Variants in AMOTL1 observed in about 807,000 individuals in gnomAD.
The protein encoded by AMOTL1 is angiomotin-like protein 1.
In AMOTL1, 45 loss-of-function variants were observed where a neutral mutation model predicts 102.9. That is an observed-to-expected ratio of 0.44 (90% CI 0.34 to 0.56). AMOTL1 has a LOEUF of 0.56. Ranked by LOEUF, AMOTL1 falls within the 20% of genes least tolerant of loss-of-function variation. The probability of loss-of-function intolerance (pLI) is 0.01; values close to 1 mark genes in which losing one functional copy is unlikely to be tolerated. For synonymous variants in AMOTL1, 481 were observed against 484.7 expected, an observed-to-expected ratio of 0.99 and a Z score of 0.10; for missense variants, 1,114 against 1,225.6, an observed-to-expected ratio of 0.91 and a Z score of 1.36.
chr11:94,855,905 C>G (rs1428746588), intron 8 of AMOTL1, among the ~76,000 whole-genome samples: 2 of 152,122 alleles, frequency 1.3e-5, no homozygotes, highest in Non-Finnish European at 2.9e-5. Context: ...AATTGAGGCT[C>G]TCCCGGGAAA....
At chr11:94,779,862 A>T (rs1487868771) in intron 1 of AMOTL1, among the ~76,000 whole-genome samples, 4 of 3,292 alleles carry the variant, frequency 1.2e-3, no homozygotes, top group Non-Finnish European at 0.024. Context: ...GGCCTTTTTA[A>T]AAAAAAAAAT....
chr11:94,819,248 G>A (rs1346352449), intron 3 of AMOTL1, among the ~76,000 whole-genome samples: 4 of 152,162 alleles, frequency 2.6e-5, no homozygotes, highest in Non-Finnish European at 5.9e-5. Context: ...GAAAAGTCAA[G>A]CTGGGAACTG....
intron 6 of AMOTL1, among the ~76,000 whole-genome samples, chr11:94,846,783 C>T (rs1267626455): frequency 6.6e-6 from 1 of 152,270 alleles, no homozygotes; most frequent in South Asian, 2.1e-4. Context: ...TGATGATCAT[C>T]ACCTCTGTGG....
chr11:94,796,612 G>A (rs938297861), intron 2 of AMOTL1, among the ~76,000 whole-genome samples: 2 of 152,200 alleles, frequency 1.3e-5, no homozygotes, highest in Non-Finnish European at 2.9e-5. Flanking sequence ...CGGAAGAACG[G>A]ATGGGATGGG....
At position 94,853,939 on chromosome 11, in the gene AMOTL1, G is replaced by A. The variant is rs748627299; in HGVS notation, c.1801G>A (p.Glu601Lys). Residue 601 changes from glutamate to lysine, a missense_variant, in exon 8 of 13, where the codon GAG becomes AAG. Physicochemically the swap from Glu to Lys is moderately conservative, Grantham distance 56. Coordinates refer to ENST00000433060, the MANE Select transcript of AMOTL1 (RefSeq NM_130847.3). ...TTTACTCTTCTCCACTCAGTTACGA[G>A]AGAAGCAAGCATATGTTGAGAAAGT... ...RVIKLEEELR[E>K]KQAYVEKVEK... The A allele has an allele frequency of 6.2e-7, 1 of 1,608,964 alleles. No homozygotes were observed. The highest frequency in any genetic ancestry group is 1.1e-5 in the South Asian group (1 of 89,830).
intron 1 of AMOTL1, among the ~76,000 whole-genome samples, chr11:94,715,042 A>G (rs1226742781): frequency 2.6e-5 from 4 of 152,110 alleles, no homozygotes; most frequent in Admixed American, 2.6e-4. Context: ...GCTGCATCTT[A>G]CAAATTCTGA....
At chr11:94,776,424 A>G (rs1951026529) in intron 1 of AMOTL1, among the ~76,000 whole-genome samples, 1 of 152,200 alleles carries the variant, frequency 6.6e-6, no homozygotes, top group African/African-American at 2.4e-5. Context: ...CCACTCACAT[A>G]ACAGGTCTTC....
rs749474959 is a variant in AMOTL1, at chr11:94,866,128, T to C, written c.2448T>C (p.Ala816=). Residue 816 remains alanine, a synonymous_variant, in exon 11 of 13, where the codon GCT becomes GCC. Transcript: ENST00000433060. ...RQTSLTSSQL[A]EEKKEEKTWK... ...CCTCTCTTACCAGCAGCCAGCTGGC[T>C]GAGGAAAAGAAGGAAGAGAAGACCT... 1.2e-6 allele frequency: 2 copies of C among 1,613,914 alleles called. No homozygotes were observed. Among genetic ancestry groups the C allele is most frequent in the South Asian group, 2.2e-5 (2 of 91,070 alleles).
intron 7 of AMOTL1, among the ~76,000 whole-genome samples, chr11:94,851,384 A>G (rs915372050): frequency 1.3e-5 from 2 of 152,354 alleles, no homozygotes; most frequent in African/African-American, 2.4e-5. Flanking sequence ...AAGACAAGTT[A>G]TAACAACCAA....
intron 1 of AMOTL1, among the ~76,000 whole-genome samples, chr11:94,711,861 A>G (rs1319760121): frequency 6.6e-6 from 1 of 152,122 alleles, no homozygotes; most frequent in Non-Finnish European, 1.5e-5. Context: ...ACATTTGGGT[A>G]GTTTCTAATA....
At chr11:94,808,817 A>G (rs1325659911) in intron 3 of AMOTL1, among the ~76,000 whole-genome samples, 1 of 152,194 alleles carries the variant, frequency 6.6e-6, no homozygotes, top group Non-Finnish European at 1.5e-5. Context: ...TTTAAAGCAT[A>G]GTTTAGTTAA....
chr11:94,771,843 G>A (rs1321976104), intron 1 of AMOTL1, among the ~76,000 whole-genome samples: 1 of 152,144 alleles, frequency 6.6e-6, no homozygotes, highest in Non-Finnish European at 1.5e-5. Context: ...GGAGAGAGTA[G>A]GAGAGTAGCT....
intron 8 of AMOTL1, among the ~76,000 whole-genome samples, chr11:94,855,619 T>C (rs1952647194): frequency 6.6e-6 from 1 of 152,180 alleles, no homozygotes; most frequent in South Asian, 2.1e-4. Flanking sequence ...TAATATGCCG[T>C]CCACACCCTA....
At chr11:94,715,881 A>T (rs968251023) in intron 1 of AMOTL1, among the ~76,000 whole-genome samples, 3 of 151,964 alleles carry the variant, frequency 2.0e-5, no homozygotes, top group African/African-American at 7.2e-5. Flanking sequence ...GGCTTCTTGA[A>T]TCTATGTGTT....
At chr11:94,756,514 T>C (rs1349978702) in intron 3 of AMOTL1, among the ~76,000 whole-genome samples, 3 of 152,240 alleles carry the variant, frequency 2.0e-5, no homozygotes, top group African/African-American at 7.2e-5. Flanking sequence ...TTTCCTATTA[T>C]ATTCTATTTC....
At chr11:94,729,021 T>C in exon 2 of AMOTL1, 9 of 1,289,138 alleles carry the variant, frequency 7.0e-6, no homozygotes, top group African/African-American at 1.5e-5. Context: ...GGTTATCCCA[T>C]GCTGGAATTC....
At chr11:94,788,389 C>T (rs1951227774) in intron 1 of AMOTL1, among the ~76,000 whole-genome samples, 3 of 152,226 alleles carry the variant, frequency 2.0e-5, no homozygotes, top group African/African-American at 7.2e-5. Flanking sequence ...AGAGACAACA[C>T]TTTCATAACC....
At chr11:94,839,958 C>A (rs1952262876) in intron 6 of AMOTL1, among the ~76,000 whole-genome samples, 1 of 152,170 alleles carries the variant, frequency 6.6e-6, no homozygotes, top group Non-Finnish European at 1.5e-5. Context: ...CATTCTGTGC[C>A]TTTGGCTTTT....
Position 94,835,927 on chromosome 11 carries a change from A to G in AMOTL1, c.1648+4386A>G, listed in dbSNP as rs146657503. Among the ~76,000 whole-genome samples the G allele has an allele frequency of 4.1e-3, 631 of 152,368 alleles. 12 individuals carry two copies. Among genetic ancestry groups the G allele is most frequent in the South Asian group, 0.035 (168 of 4,824 alleles). ...AATTCTTGCAGGTCTAAAAATTAAC[A>G]GAAAAAAATGTGTTGGACCATATTG... On this transcript the variant is annotated intron_variant, in intron 6 of 12. Coordinates refer to ENST00000433060, the MANE Select transcript of AMOTL1 (RefSeq NM_130847.3).
Sources: allele counts gnomAD v4.1 joint callset (sites outside exome capture counted in the v4.1 genomes callset), GRCh38; gene constraint gnomAD v4.1.1; transcripts MANE v1.5; gene names NCBI Gene and HGNC (gene_info 2026-07-23, HGNC 2026-07-21).